Variants in RORA observed in about 807,000 individuals in gnomAD.
RORA encodes RAR related orphan receptor A, also known as nuclear receptor ROR-alpha.
RORA carries 7 observed loss-of-function variants against 69.5 expected under a neutral mutation model. The observed-to-expected ratio is 0.10, with a 90% confidence interval of 0.06 to 0.19. RORA has a LOEUF of 0.19. Ranked by LOEUF, RORA falls within the 10% of genes least tolerant of loss-of-function variation. The probability of loss-of-function intolerance (pLI) is 1.00; values close to 1 mark genes in which losing one functional copy is unlikely to be tolerated. For synonymous variants in RORA, 261 were observed against 240.8 expected, an observed-to-expected ratio of 1.08 and a Z score of -0.78; for missense variants, 457 against 663.0, an observed-to-expected ratio of 0.69 and a Z score of 3.41.
intron 3 of RORA, chr15:60,528,289 T>G (rs1262574583): frequency 6.6e-6 from 1 of 152,326 alleles, no homozygotes; most frequent in African/African-American, 2.4e-5. Flanking sequence ...GGTCTTGAAC[T>G]CTTGTGCTCA....
At chr15:60,753,726 C>G (rs1205297161) in intron 1 of RORA, among the ~76,000 whole-genome samples, 1 of 152,218 alleles carries the variant, frequency 6.6e-6, no homozygotes. Context: ...CTGACAAGCT[C>G]TGAAGCACTC....
At chr15:61,109,772 A>G (rs1410570722) in intron 1 of RORA, among the ~76,000 whole-genome samples, 1 of 152,208 alleles carries the variant, frequency 6.6e-6, no homozygotes, top group African/African-American at 2.4e-5. Context: ...TACCTTGGCA[A>G]GTTATTTACC....
intron 1 of RORA, among the ~76,000 whole-genome samples, chr15:61,196,751 A>C (rs889895036): frequency 6.6e-6 from 1 of 152,246 alleles, no homozygotes; most frequent in Non-Finnish European, 1.5e-5. Context: ...ACCTAATGGC[A>C]CCAAAGTCAG....
intron 2 of RORA, among the ~76,000 whole-genome samples, chr15:60,616,829 T>C (rs2069257268): frequency 6.6e-6 from 1 of 152,218 alleles, no homozygotes; most frequent in Non-Finnish European, 1.5e-5. Context: ...GGGGAAAGGC[T>C]GTAGGAAACC....
chr15:61,228,181 G>A (rs1268942641), intron 1 of RORA, among the ~76,000 whole-genome samples: 1 of 152,184 alleles, frequency 6.6e-6, no homozygotes, highest in Non-Finnish European at 1.5e-5. Flanking sequence ...CGAGAGGGAA[G>A]GATTCCCAGA....
chr15:60,739,785 C>G (rs16943022), intron 1 of RORA, among the ~76,000 whole-genome samples: 2,041 of 152,208 alleles, frequency 0.013, 51 homozygotes, highest in African/African-American at 0.047. Flanking sequence ...TCTCTGGGAG[C>G]TGAGCCCCAC....
intron 1 of RORA, among the ~76,000 whole-genome samples, chr15:60,838,887 CAT>C (rs869108719): frequency 0.1 from 4,322 of 42,022 alleles, 114 homozygotes; most frequent in South Asian, 0.18. Flanking sequence ...CACACACACA[CAT>C]ATACTTTTTT....
At chr15:60,936,465 C>A (rs1031165884) in intron 1 of RORA, among the ~76,000 whole-genome samples, 1 of 152,238 alleles carries the variant, frequency 6.6e-6, no homozygotes. Context: ...CCTGTCACAC[C>A]TTCAGCCTCT....
At chr15:60,668,669 A>C (rs958073764) in intron 2 of RORA, among the ~76,000 whole-genome samples, 2 of 152,124 alleles carry the variant, frequency 1.3e-5, no homozygotes, top group African/African-American at 4.8e-5. Flanking sequence ...CGACGCCCCA[A>C]CCTGGTGAGG....
At chr15:60,694,516 C>T (rs373368961) in intron 1 of RORA, among the ~76,000 whole-genome samples, 1 of 152,186 alleles carries the variant, frequency 6.6e-6, no homozygotes, top group Non-Finnish European at 1.5e-5. Context: ...ATGAGAGTTT[C>T]GATGGTGTAT....
intron 1 of RORA, among the ~76,000 whole-genome samples, chr15:60,745,137 C>T (rs762756502): frequency 6.6e-6 from 1 of 152,228 alleles, no homozygotes; most frequent in Non-Finnish European, 1.5e-5. Flanking sequence ...ATTAACTCTA[C>T]TCAGCCCAAA....
chr15:60,777,885 G>A (rs1046195036), intron 1 of RORA, among the ~76,000 whole-genome samples: 9 of 152,192 alleles, frequency 5.9e-5, no homozygotes, highest in African/African-American at 2.2e-4. Context: ...AAGCATCACA[G>A]CAATGTAAGT....
chr15:61,093,901 C>T (rs2078749381), intron 1 of RORA, among the ~76,000 whole-genome samples: 1 of 152,202 alleles, frequency 6.6e-6, no homozygotes, highest in Non-Finnish European at 1.5e-5. Context: ...ACAATGTCTG[C>T]CATGTCAATG....
In RORA at chr15:60,777,320, A is replaced by G. The variant is rs558358029; in HGVS notation, c.167-98634T>C. 1.4e-4 allele frequency among the ~76,000 whole-genome samples: 22 copies of G among 152,244 alleles called. No individual in the cohort carries two copies. In the South Asian group the frequency reaches 4.6e-3, roughly 32 times the overall value. On this transcript the variant is annotated intron_variant, in intron 1 of 10. Transcript: ENST00000335670. ...CGGAGAAATCACAACGAGCAGCCTC[A>G]TGGTATCATGGAAAATTGATAGCCT...
At chr15:60,796,763 G>C (rs998433455) in intron 1 of RORA, among the ~76,000 whole-genome samples, 1 of 151,768 alleles carries the variant, frequency 6.6e-6, no homozygotes, top group Non-Finnish European at 1.5e-5. Context: ...TTCACAATTG[G>C]AAAAAGGTAG....
chr15:60,589,279 A>G (rs2068427553), intron 2 of RORA, among the ~76,000 whole-genome samples: 1 of 152,226 alleles, frequency 6.6e-6, no homozygotes, highest in Non-Finnish European at 1.5e-5. Context: ...ACCAACACAT[A>G]CAGTATTTTC....
chr15:61,201,231 T>A (rs1434102676), intron 1 of RORA, among the ~76,000 whole-genome samples: 2 of 152,328 alleles, frequency 1.3e-5, no homozygotes, highest in Non-Finnish European at 2.9e-5. Context: ...GCTGTGAATG[T>A]CAAAGTCTCT....
chr15:60,944,703 A>C, intron 1 of RORA, among the ~76,000 whole-genome samples: 1 of 147,134 alleles, frequency 6.8e-6, no homozygotes, highest in East Asian at 1.9e-4. Context: ...CCAAAAAAAA[A>C]AAAAAAAAAA....
chr15:61,214,346 T>C (rs188601048), intron 1 of RORA: 8 of 152,370 alleles, frequency 5.3e-5, no homozygotes, highest in African/African-American at 1.7e-4. Flanking sequence ...ATGCCAGGCA[T>C]TGATACTGTC....
Sources: gnomAD v4.1 joint callset for allele counts (sites outside exome capture counted in the v4.1 genomes callset) on GRCh38, gnomAD v4.1.1 for gene constraint, MANE v1.5 for transcripts, NCBI Gene and HGNC (gene_info 2026-07-23, HGNC 2026-07-21) for gene names.